Variants in FSTL5 observed in about 807,000 individuals in gnomAD.
FSTL5 encodes follistatin-related protein 5.
Under a neutral mutation model 89.1 loss-of-function variants are expected in FSTL5, and 62 were observed. That is an observed-to-expected ratio of 0.70 (90% confidence interval 0.57 to 0.86). The LOEUF is 0.86. Among genes scored for constraint, FSTL5 ranks in the 40% least tolerant of loss-of-function variants. The probability of loss-of-function intolerance (pLI) is 0.00; values close to 1 mark genes in which losing one functional copy is unlikely to be tolerated. For missense variants in FSTL5, 1,057 were observed against 1,001.6 expected (o/e 1.06, Z -0.75); for synonymous variants, 383 against 346.2 (o/e 1.11, Z -1.18).
chr4:161,405,347 A>G (rs1422803354), intron 15 of FSTL5, among the ~76,000 whole-genome samples: 1 of 152,160 alleles, frequency 6.6e-6, no homozygotes, highest in Non-Finnish European at 1.5e-5. Flanking sequence ...ATATAAACAA[A>G]TAAAAATTAA....
intron 9 of FSTL5, among the ~76,000 whole-genome samples, chr4:161,538,826 C>G (rs560583986): frequency 1.2e-4 from 19 of 152,142 alleles, no homozygotes; most frequent in Admixed American, 6.5e-4. Context: ...TACAGTGGCA[C>G]GATCTCAGCT....
At chr4:162,150,454 G>T (rs1169937086) in intron 1 of FSTL5, among the ~76,000 whole-genome samples, 1 of 151,852 alleles carries the variant, frequency 6.6e-6, no homozygotes, top group African/African-American at 2.4e-5. Context: ...TACAATAATT[G>T]TTCAATAAAC....
intron 4 of FSTL5, among the ~76,000 whole-genome samples, chr4:161,779,192 A>T (rs1741529850): frequency 6.6e-6 from 1 of 152,184 alleles, no homozygotes; most frequent in Non-Finnish European, 1.5e-5. Context: ...CACTCTCATT[A>T]ATGCTTTCCT....
chr4:161,960,746 T>C (rs896375476), intron 3 of FSTL5, among the ~76,000 whole-genome samples: 7 of 152,082 alleles, frequency 4.6e-5, no homozygotes, highest in African/African-American at 1.7e-4. Flanking sequence ...TGAAAACTTT[T>C]AAGCTGTTTT....
At chr4:161,406,649 A>C (rs1443388098) in intron 15 of FSTL5, among the ~76,000 whole-genome samples, 1 of 152,092 alleles carries the variant, frequency 6.6e-6, no homozygotes, top group Non-Finnish European at 1.5e-5. Context: ...TGTCTATTTC[A>C]CCTTTCAATG....
At chr4:161,502,521 A>G (rs1730328800) in intron 11 of FSTL5, among the ~76,000 whole-genome samples, 1 of 151,928 alleles carries the variant, frequency 6.6e-6, no homozygotes, top group South Asian at 2.1e-4. Flanking sequence ...TAATGCCAAC[A>G]AATTACTAAA....
intron 7 of FSTL5, among the ~76,000 whole-genome samples, chr4:161,653,267 T>TGCC (rs1736403082): frequency 1.3e-5 from 2 of 152,152 alleles, no homozygotes; most frequent in South Asian, 4.1e-4. Context: ...GAGACCCCAT[T>TGCC]GTAGCTAAAC....
intron 4 of FSTL5, among the ~76,000 whole-genome samples, chr4:161,793,532 G>A (rs1405394712): frequency 6.6e-6 from 1 of 152,132 alleles, no homozygotes; most frequent in East Asian, 1.9e-4. Flanking sequence ...CTAATGTGAT[G>A]AAAGAATGGA....
At chr4:161,591,013 T>C (rs1733801698) in intron 7 of FSTL5, among the ~76,000 whole-genome samples, 1 of 152,098 alleles carries the variant, frequency 6.6e-6, no homozygotes, top group Non-Finnish European at 1.5e-5. Context: ...AGGCAAAAAG[T>C]GAAAACAACC....
rs565374622 is a variant in FSTL5, at chr4:162,005,619, G to A, written c.160+28006C>T. 2.8e-4 allele frequency among the ~76,000 whole-genome samples: 43 copies of A among 152,158 alleles called. 1 individual carries two copies. Among genetic ancestry groups the A allele is most frequent in the African/African-American group, 9.9e-4 (41 of 41,538 alleles). On this transcript the variant is annotated intron_variant, in intron 3 of 15. Transcript: ENST00000306100. ...GGAAGGGGAGAAAACAAAGGTATTA[G>A]GGGAAGAGAATACTGCAAGCCCCAT...
At chr4:161,807,214 C>T (rs1384638842) in intron 4 of FSTL5, among the ~76,000 whole-genome samples, 1 of 151,782 alleles carries the variant, frequency 6.6e-6, no homozygotes, top group Non-Finnish European at 1.5e-5. Flanking sequence ...CACACACACA[C>T]ACACACACAC....
intron 3 of FSTL5, among the ~76,000 whole-genome samples, chr4:162,030,310 G>T (rs1216869086): frequency 2.6e-5 from 4 of 152,020 alleles, no homozygotes; most frequent in African/African-American, 9.7e-5. Flanking sequence ...AGATTAAAAT[G>T]AGATGATATA....
chr4:161,788,684 A>G (rs1277819465), intron 4 of FSTL5, among the ~76,000 whole-genome samples: 2 of 152,272 alleles, frequency 1.3e-5, no homozygotes, highest in East Asian at 3.9e-4. Context: ...CCAGGAGTTC[A>G]AGACCAACCT....
chr4:161,425,262 G>A (rs1000006968), intron 15 of FSTL5, among the ~76,000 whole-genome samples: 3 of 152,110 alleles, frequency 2.0e-5, no homozygotes, highest in Non-Finnish European at 4.4e-5. Context: ...GATAAACTGA[G>A]AGCTAGGAAA....
intron 3 of FSTL5, among the ~76,000 whole-genome samples, chr4:161,958,573 A>C (rs568736509): frequency 2.4e-4 from 37 of 152,220 alleles, no homozygotes; most frequent in African/African-American, 8.9e-4. Context: ...TTGGCCCACT[A>C]ATGAGGCAAG....
At chr4:161,923,658 C>T (rs1427524286) in intron 3 of FSTL5, among the ~76,000 whole-genome samples, 1 of 151,464 alleles carries the variant, frequency 6.6e-6, no homozygotes, top group East Asian at 1.9e-4. Context: ...ACATTTTAGT[C>T]ACAAATTGAG....
At chr4:161,992,554 T>C (rs557732147) in intron 3 of FSTL5, among the ~76,000 whole-genome samples, 2 of 151,738 alleles carry the variant, frequency 1.3e-5, no homozygotes, top group African/African-American at 2.4e-5. Context: ...GATATGCAAG[T>C]AGTGGAAGCA....
intron 1 of FSTL5, among the ~76,000 whole-genome samples, chr4:162,137,902 A>G (rs1267195055): frequency 1.3e-5 from 2 of 152,204 alleles, no homozygotes; most frequent in South Asian, 2.1e-4. Flanking sequence ...AGGGAGGATA[A>G]AAAGTACATT....
chr4:161,841,933 G>A (rs1156608407), intron 4 of FSTL5, among the ~76,000 whole-genome samples: 1 of 152,142 alleles, frequency 6.6e-6, no homozygotes, highest in Non-Finnish European at 1.5e-5. Context: ...TGTTGGCATT[G>A]AAGGATGTGA....
Sources: gnomAD v4.1 joint callset for allele counts (sites outside exome capture counted in the v4.1 genomes callset) on GRCh38, gnomAD v4.1.1 for gene constraint, MANE v1.5 for transcripts, NCBI Gene and HGNC (gene_info 2026-07-23, HGNC 2026-07-21) for gene names.